The following CERKL variants were observed in gnomAD, a reference collection of about 807,000 sequenced individuals.
CERKL encodes ceramide kinase-like protein.
A neutral mutation model predicts 63.4 loss-of-function variants in CERKL; 61 were observed. The ratio of observed to expected loss-of-function variants is 0.96; its 90% CI spans 0.78 to 1.19. The LOEUF is 1.19. Among genes scored for constraint, CERKL ranks in the 50% most tolerant of loss-of-function variants. CERKL has a pLI of 0.00. For missense variants in CERKL, 675 were observed against 655.5 expected (o/e 1.03, Z -0.33); for synonymous variants, 250 against 230.5 (o/e 1.08, Z -0.77).
intron 1 of CERKL, among the ~76,000 whole-genome samples, chr2:181,646,671 G>A (rs1687685451): frequency 6.6e-6 from 1 of 152,202 alleles, no homozygotes; most frequent in South Asian, 2.1e-4. Context: ...AAGTTCCCAT[G>A]AGAGACTGAT....
chr2:181,548,809 A>C lies in CERKL; in HGVS notation c.944T>G (p.Leu315Arg), dbSNP rs1340705663. The change falls in exon 7 of 13, where the codon CTT becomes CGT. Residue 315 changes from leucine (L) to arginine (R), a missense_variant. Transcript: ENST00000410087. ...DVCTFSTAGK[L>R]LRFGFSAMFG... ...CATGGCTGAGAACCCAAAGCGAAGA[A>C]GCTTGCCAGCGGTGCTGAAGGTGCA... 6.2e-7 allele frequency: 1 copy of C among 1,614,088 alleles called. No homozygotes were observed. Among genetic ancestry groups the C allele is most frequent in the Admixed American group, 1.7e-5 (1 of 60,002 alleles).
chr2:181,597,192 TC>T (rs373423487), intron 2 of CERKL, among the ~76,000 whole-genome samples: 3 of 152,340 alleles, frequency 2.0e-5, no homozygotes, highest in African/African-American at 7.2e-5. Flanking sequence ...TTTTTCCTAT[TC>T]TTTTATTGAG....
At chr2:181,605,169 C>A (rs1685627096) in intron 1 of CERKL, among the ~76,000 whole-genome samples, 1 of 152,196 alleles carries the variant, frequency 6.6e-6, no homozygotes, top group South Asian at 2.1e-4. Context: ...ACCGCCCCAA[C>A]CTATTGCCTG....
chr2:181,569,969 A>G (rs958224578), intron 3 of CERKL, among the ~76,000 whole-genome samples: 3 of 152,152 alleles, frequency 2.0e-5, no homozygotes, highest in Admixed American at 6.6e-5. Context: ...CAATCTAACA[A>G]ATGACTTTAG....
intron 2 of CERKL, among the ~76,000 whole-genome samples, chr2:181,587,310 AACTG>A (rs1684809710): frequency 2.0e-5 from 3 of 152,218 alleles, no homozygotes; most frequent in Admixed American, 6.5e-5. Flanking sequence ...TAATAGCTAA[AACTG>A]ACTGAACAGT....
intron 5 of CERKL, among the ~76,000 whole-genome samples, chr2:181,556,261 A>G (rs2105816163): frequency 6.6e-6 from 1 of 151,872 alleles, no homozygotes; most frequent in Non-Finnish European, 1.5e-5. Context: ...TATATATAAT[A>G]CTTTAAATTC....
intron 11 of CERKL, 34 bp from the exon 12 acceptor site, chr2:181,539,298 T>G: frequency 2.2e-6 from 3 of 1,392,424 alleles, no homozygotes; most frequent in Non-Finnish European, 3.1e-6. Flanking sequence ...TTATACTTGG[T>G]TTATCTCTAG....
At chr2:181,643,485 G>A (rs962394728) in intron 1 of CERKL, among the ~76,000 whole-genome samples, 2 of 152,212 alleles carry the variant, frequency 1.3e-5, no homozygotes, top group Non-Finnish European at 2.9e-5. Flanking sequence ...TATCCATTAG[G>A]AAATTGTGAA....
chr2:181,573,169 A>G (rs1181907054), intron 3 of CERKL, among the ~76,000 whole-genome samples: 1 of 152,196 alleles, frequency 6.6e-6, no homozygotes, highest in Admixed American at 6.5e-5. Flanking sequence ...AAAAAATCAA[A>G]AAGGATATTA....
chr2:181,559,324 T>A (rs977257338), intron 4 of CERKL, among the ~76,000 whole-genome samples: 1 of 152,152 alleles, frequency 6.6e-6, no homozygotes, highest in Non-Finnish European at 1.5e-5. Flanking sequence ...AGACTTTATA[T>A]CAAGTAGACT....
intron 3 of CERKL, among the ~76,000 whole-genome samples, chr2:181,569,040 C>A (rs188871810): frequency 3.0e-4 from 45 of 152,164 alleles, no homozygotes; most frequent in African/African-American, 1.0e-3. Context: ...ATCTTGTCTC[C>A]CTCAAACCTC....
chr2:181,548,913 A>G (rs1472908429), intron 6 of CERKL, 56 bp from the exon 7 acceptor site: 2 of 1,485,528 alleles, frequency 1.3e-6, no homozygotes, highest in Non-Finnish European at 1.9e-6. Flanking sequence ...GTATCAAAAC[A>G]GCAAACATAA....
At chr2:181,567,257 G>T (rs1688705687) in intron 3 of CERKL, among the ~76,000 whole-genome samples, 1 of 152,068 alleles carries the variant, frequency 6.6e-6, no homozygotes, top group African/African-American at 2.4e-5. Context: ...GATGTGTGCT[G>T]ATCATTCATT....
chr2:181,593,707 C>A (rs915756266), intron 2 of CERKL, among the ~76,000 whole-genome samples: 5 of 151,788 alleles, frequency 3.3e-5, no homozygotes, highest in African/African-American at 1.2e-4. Context: ...CCTTGCTAAC[C>A]AAATTTATCA....
chr2:181,592,063 A>G (rs753078646), intron 2 of CERKL, among the ~76,000 whole-genome samples: 7 of 152,162 alleles, frequency 4.6e-5, no homozygotes, highest in Non-Finnish European at 8.8e-5. Context: ...CTTCACCTCT[A>G]TATCTCAAAG....
At chr2:181,600,052 C>T (rs1685392988) in intron 2 of CERKL, among the ~76,000 whole-genome samples, 1 of 152,128 alleles carries the variant, frequency 6.6e-6, no homozygotes, top group Non-Finnish European at 1.5e-5. Context: ...TACTTTTAGC[C>T]TCCTTAAAGA....
At chr2:181,631,562 C>T (rs1182844558) in intron 1 of CERKL, among the ~76,000 whole-genome samples, 2 of 152,230 alleles carry the variant, frequency 1.3e-5, no homozygotes, top group East Asian at 1.9e-4. Context: ...CACAGCACCC[C>T]CCTTCATGCT....
At chr2:181,610,294 G>A (rs916778578) in intron 1 of CERKL, among the ~76,000 whole-genome samples, 30 of 152,110 alleles carry the variant, frequency 2.0e-4, no homozygotes, top group Non-Finnish European at 8.8e-5. Context: ...AAAACAACAA[G>A]ATACCACTTT....
chr2:181,617,185 T>C (rs1430020436), intron 1 of CERKL: 1 of 152,210 alleles, frequency 6.6e-6, no homozygotes, highest in Non-Finnish European at 1.5e-5. Flanking sequence ...CACTTATTTT[T>C]AAAAAAATCT....
Sources: gnomAD v4.1 joint callset for allele counts (sites outside exome capture counted in the v4.1 genomes callset) on GRCh38, gnomAD v4.1.1 for gene constraint, MANE v1.5 for transcripts, NCBI Gene and HGNC (gene_info 2026-07-23, HGNC 2026-07-21) for gene names.